Variants in DIAPH3 observed in about 807,000 individuals in gnomAD.
DIAPH3 encodes protein diaphanous homolog 3.
DIAPH3 carries 117 observed loss-of-function variants against 144.3 expected under a neutral mutation model. The ratio of observed to expected loss-of-function variants is 0.81; its 90% CI spans 0.70 to 0.95. The LOEUF is 0.95. DIAPH3 is among the 40% of genes least tolerant of loss of function. The pLI is 0.00. For missense variants in DIAPH3, 1,421 were observed against 1,412.7 expected (o/e 1.01, Z -0.09); for synonymous variants, 519 against 488.9 (o/e 1.06, Z -0.81).
At chr13:59,945,137 A>T (rs1399706842) in intron 17 of DIAPH3, among the ~76,000 whole-genome samples, 1 of 152,054 alleles carries the variant, frequency 6.6e-6, no homozygotes, top group African/African-American at 2.4e-5. Flanking sequence ...TTTTCCAAAA[A>T]ATCCACACCT....
chr13:59,960,065 G>A (rs575081217), intron 17 of DIAPH3, among the ~76,000 whole-genome samples: 1 of 152,244 alleles, frequency 6.6e-6, no homozygotes, highest in Admixed American at 6.5e-5. Context: ...AGACAAGACT[G>A]ATTTATATAC....
In DIAPH3 at chr13:59,788,571, C is replaced by A. The variant is rs1210043140; in HGVS notation, c.3164-13748G>T. On this transcript the variant is annotated intron_variant, in intron 25 of 27. Coordinates refer to ENST00000400324, the MANE Select transcript of DIAPH3 (RefSeq NM_001042517.2). ...TGTGGAAAAACATGTAAAAGGGTGT[C>A]TGTTATATTGTTGTTCATTGTAACA... 2.0e-5 allele frequency among the ~76,000 whole-genome samples: 3 copies of A among 152,296 alleles called. No individual in the cohort carries two copies. The East Asian group carries it at 5.8e-4, about 29-fold the overall frequency.
intron 2 of DIAPH3, among the ~76,000 whole-genome samples, chr13:60,129,568 C>T (rs1317652647): frequency 1.3e-5 from 2 of 152,158 alleles, no homozygotes; most frequent in Non-Finnish European, 2.9e-5. Context: ...AACATTAATG[C>T]TTCCCGTGAT....
chr13:59,800,911 A>G (rs775816235), intron 25 of DIAPH3, among the ~76,000 whole-genome samples: 1 of 152,244 alleles, frequency 6.6e-6, no homozygotes, highest in African/African-American at 2.4e-5. Flanking sequence ...ATCTAATAAA[A>G]GTATCCCATG....
intron 27 of DIAPH3, among the ~76,000 whole-genome samples, chr13:59,729,524 A>G (rs778236268): frequency 6.6e-6 from 1 of 152,028 alleles, no homozygotes; most frequent in East Asian, 1.9e-4. Context: ...AAAACAATTT[A>G]CCATAACGTG....
At chr13:59,823,882 T>G (rs1444128860) in intron 24 of DIAPH3, among the ~76,000 whole-genome samples, 2 of 152,214 alleles carry the variant, frequency 1.3e-5, no homozygotes, top group African/African-American at 4.8e-5. Flanking sequence ...GGCACTTCAC[T>G]ACTTTAGTCG....
At chr13:60,061,994 A>C (rs1205393466) in intron 4 of DIAPH3, among the ~76,000 whole-genome samples, 2 of 152,024 alleles carry the variant, frequency 1.3e-5, no homozygotes, top group African/African-American at 4.8e-5. Flanking sequence ...GCTCCTTCCC[A>C]ACAAAACCTC....
chr13:59,972,792 G>A (rs1247886576), intron 15 of DIAPH3, among the ~76,000 whole-genome samples: 1 of 152,168 alleles, frequency 6.6e-6, no homozygotes, highest in African/African-American at 2.4e-5. Flanking sequence ...TGGGAGGCCA[G>A]ACACTGTGAC....
chr13:59,996,037 T>C (rs892239551), intron 9 of DIAPH3, among the ~76,000 whole-genome samples: 13 of 151,982 alleles, frequency 8.6e-5, no homozygotes, highest in African/African-American at 3.1e-4. Flanking sequence ...CCTGGAAGTA[T>C]GGAAAGTGGT....
chr13:59,809,092 A>G (rs1422659315), intron 25 of DIAPH3, among the ~76,000 whole-genome samples: 2 of 152,220 alleles, frequency 1.3e-5, no homozygotes, highest in African/African-American at 4.8e-5. Flanking sequence ...TCAAATTGGT[A>G]TAAGAGAGAA....
At chr13:60,162,809 T>TCACACTCA (rs1555388531) in intron 1 of DIAPH3, among the ~76,000 whole-genome samples, 1 of 122,424 alleles carries the variant, frequency 8.2e-6, no homozygotes, top group Admixed American at 8.4e-5. Context: ...TCTCTCTCTC[T>TCACACTCA]CACACACACA....
chr13:59,844,989 C>G (rs1378090300), intron 22 of DIAPH3, among the ~76,000 whole-genome samples: 1 of 152,056 alleles, frequency 6.6e-6, no homozygotes, highest in Admixed American at 6.5e-5. Context: ...TAATTCCTTC[C>G]TGACTTAACA....
At chr13:60,146,963 T>C (rs1184334949) in intron 1 of DIAPH3, among the ~76,000 whole-genome samples, 1 of 152,256 alleles carries the variant, frequency 6.6e-6, no homozygotes, top group Non-Finnish European at 1.5e-5. Flanking sequence ...TCACTGATGT[T>C]GTTTCACTCG....
chr13:59,742,903 C>T (rs982378255), intron 27 of DIAPH3, among the ~76,000 whole-genome samples: 2 of 152,092 alleles, frequency 1.3e-5, no homozygotes, highest in East Asian at 3.9e-4. Context: ...AAAGAGAACA[C>T]CACATTTTGA....
chr13:59,747,047 T>A (rs537334273), intron 27 of DIAPH3, among the ~76,000 whole-genome samples: 2 of 152,328 alleles, frequency 1.3e-5, no homozygotes, highest in African/African-American at 4.8e-5. Context: ...AGCAAATTGC[T>A]TAATGCTGCA....
At chr13:60,035,141 G>A (rs2055119328) in intron 5 of DIAPH3, among the ~76,000 whole-genome samples, 1 of 151,992 alleles carries the variant, frequency 6.6e-6, no homozygotes, top group African/African-American at 2.4e-5. Context: ...TACAATTCCA[G>A]GCCCTCTCAG....
chr13:59,853,825 T>A, intron 22 of DIAPH3, among the ~76,000 whole-genome samples: 1 of 152,294 alleles, frequency 6.6e-6, no homozygotes, highest in African/African-American at 2.4e-5. Flanking sequence ...CACAATTTAA[T>A]GATACATGCT....
intron 3 of DIAPH3, among the ~76,000 whole-genome samples, chr13:60,108,891 TG>T (rs1281027394): frequency 6.6e-6 from 1 of 151,924 alleles, no homozygotes; most frequent in African/African-American, 2.4e-5. Flanking sequence ...GTGTGTGTGT[TG>T]GGGGGAGGTG....
intron 20 of DIAPH3, among the ~76,000 whole-genome samples, chr13:59,882,637 T>C (rs1023097596): frequency 6.6e-6 from 1 of 152,102 alleles, no homozygotes; most frequent in Middle Eastern, 3.4e-3. Flanking sequence ...ATACTCTGAA[T>C]GGCAACAGAA....
Sources: gnomAD v4.1 joint callset for allele counts (sites outside exome capture counted in the v4.1 genomes callset) on GRCh38, gnomAD v4.1.1 for gene constraint, MANE v1.5 for transcripts, NCBI Gene and HGNC (gene_info 2026-07-23, HGNC 2026-07-21) for gene names.